Variants in PKNOX1 observed in about 807,000 individuals in gnomAD.
The protein encoded by PKNOX1 is PBX/knotted 1 homeobox 1.
In PKNOX1, 15 loss-of-function variants were observed where a neutral mutation model predicts 51.9. The observed-to-expected ratio is 0.29, with a 90% CI of 0.19 to 0.45. PKNOX1 has a LOEUF of 0.45. PKNOX1 is among the 20% of genes least tolerant of loss of function. The pLI is 1.00. For missense variants in PKNOX1, 462 were observed against 547.5 expected (o/e 0.84, Z 1.56); for synonymous variants, 219 against 211.1 (o/e 1.04, Z -0.32).
chr21:43,022,285 C>T (rs976749340), intron 8 of PKNOX1, among the ~76,000 whole-genome samples: 3 of 152,228 alleles, frequency 2.0e-5, no homozygotes, highest in Admixed American at 1.3e-4. Context: ...AGGGTGCCTC[C>T]GCTGGGGCTG....
In PKNOX1 at chr21:43,033,842, A is replaced by G. The variant is rs970922221; in HGVS notation, c.*3741A>G. The G allele has an allele frequency of 7.2e-5, 11 of 152,194 alleles. No homozygotes were observed. Among genetic ancestry groups the G allele is most frequent in the African/African-American group, 2.4e-4 (10 of 41,446 alleles). The allele number at this position is 152,194 out of a possible 1,614,324, so 9.4% of individuals were successfully genotyped here. On this transcript the variant is annotated 3_prime_UTR_variant, in exon 11 of 11. Transcript: ENST00000291547. Reference sequence around the variant, plus strand: ...ACAGGTAGCTTTTATGTTTTTTATTATAGTTTTCCACAAATCTAATTATTT... The same window carrying G: ...ACAGGTAGCTTTTATGTTTTTTATTGTAGTTTTCCACAAATCTAATTATTT...
intron 2 of PKNOX1, 53 bp downstream of exon 2, chr21:43,004,485 G>A (rs1978902779): frequency 8.5e-7 from 1 of 1,182,052 alleles, no homozygotes; most frequent in Non-Finnish European, 1.3e-6. Context: ...TGGCACTCAA[G>A]CATGAACATT....
chr21:43,020,285 G>A (rs1979695599), intron 7 of PKNOX1, among the ~76,000 whole-genome samples: 1 of 152,158 alleles, frequency 6.6e-6, no homozygotes, highest in African/African-American at 2.4e-5. Flanking sequence ...TCCATGCTGC[G>A]GACCCTACGG....
chr21:43,009,509 G>A (rs537326190), intron 3 of PKNOX1, among the ~76,000 whole-genome samples: 1 of 149,840 alleles, frequency 6.7e-6, no homozygotes, highest in Non-Finnish European at 1.5e-5. Context: ...ACTTGGGGAG[G>A]CTGAGTAGGA....
chr21:43,014,169 CT>C (rs1979381169), intron 5 of PKNOX1, among the ~76,000 whole-genome samples: 1 of 151,910 alleles, frequency 6.6e-6, no homozygotes, highest in Non-Finnish European at 1.5e-5. Context: ...CTACAGGTGC[CT>C]GCCACCACAC....
At chr21:42,987,960 G>C (rs1423766695) in intron 1 of PKNOX1, among the ~76,000 whole-genome samples, 1 of 151,970 alleles carries the variant, frequency 6.6e-6, no homozygotes, top group Non-Finnish European at 1.5e-5. Context: ...ACGTAATACA[G>C]ACAGTATGTG....
At position 43,016,907 on chromosome 21, in the gene PKNOX1, G is replaced by A. The variant is rs1979513598; in HGVS notation, c.523-1G>A. The A allele has an allele frequency of 7.5e-6, 12 of 1,595,126 alleles. No individual in the cohort carries two copies. The highest frequency in any genetic ancestry group is 1.0e-5 in the Non-Finnish European group (12 of 1,165,412). On this transcript the variant is annotated splice_acceptor_variant, in intron 5 of 10. Coordinates refer to ENST00000291547, the MANE Select transcript of PKNOX1 (RefSeq NM_004571.5). LOFTEE classifies it high-confidence loss of function. ...TTCAACATGTGTGTTCTGACTTGCA[G>A]CAGATTCAAAGTGCCATCACAGGCA...
rs1282869894 is a variant in PKNOX1, at chr21:43,021,189, G to A, written c.721-114G>A. The stretch of plus-strand genomic sequence containing the variant: ...CACAGGGTTCCCGTGCATGGGCCTC[G>A]ACTACAATCATTTCCCTGTCCGATC... On this transcript the variant is annotated intron_variant, in intron 7 of 10. Transcript: ENST00000291547. The surrounding 1 kb of genome is among the most constrained non-coding windows in gnomAD (Gnocchi z 4.6). The A allele has an allele frequency of 1.7e-5, 14 of 822,988 alleles. No homozygotes were observed. The highest frequency in any genetic ancestry group is 3.2e-4 in the Middle Eastern group (1 of 3,106). 51.0% of individuals were successfully genotyped at this position (822,988 alleles called of 1,614,324 possible). A position where few individuals can be genotyped will look rare whatever the true frequency, so the allele number is the denominator to read the frequency against.
intron 4 of PKNOX1, 45 bp downstream of exon 4, chr21:43,010,269 TGTTCATG>T: frequency 8.5e-7 from 1 of 1,171,528 alleles, no homozygotes; most frequent in Non-Finnish European, 1.2e-6. Flanking sequence ...ATGTGAAATC[TGTTCATG>T]AAATTTTAGG....
chr21:43,003,666 C>T (rs1290937654), intron 1 of PKNOX1, among the ~76,000 whole-genome samples: 1 of 152,196 alleles, frequency 6.6e-6, no homozygotes, highest in Non-Finnish European at 1.5e-5. Flanking sequence ...TGTGTCTCTC[C>T]CTTGCCTGGT....
chr21:42,991,060 A>G (rs1437856376), intron 1 of PKNOX1, among the ~76,000 whole-genome samples: 1 of 152,190 alleles, frequency 6.6e-6, no homozygotes, highest in African/African-American at 2.4e-5. Context: ...AAATTCTTTC[A>G]GCTTCAAATA....
At chr21:43,019,533 A>G (rs902321162) in intron 7 of PKNOX1, among the ~76,000 whole-genome samples, 2 of 152,028 alleles carry the variant, frequency 1.3e-5, no homozygotes, top group African/African-American at 4.8e-5. Flanking sequence ...TCTACCCAAC[A>G]TTGAGAAAGC....
At chr21:42,974,877 G>C (rs1166697104) in intron 1 of PKNOX1, among the ~76,000 whole-genome samples, 1 of 147,990 alleles carries the variant, frequency 6.8e-6, no homozygotes, top group East Asian at 2.0e-4. Flanking sequence ...GGGCACCCGC[G>C]GGGGAGGGGG....
intron 1 of PKNOX1, among the ~76,000 whole-genome samples, chr21:42,989,599 A>T (rs1206091810): frequency 6.6e-6 from 1 of 151,852 alleles, no homozygotes; most frequent in Non-Finnish European, 1.5e-5. Context: ...TTGCATTTTT[A>T]GTAGAGATGG....
intron 10 of PKNOX1, 70 bp from the exon 11 acceptor site, chr21:43,029,820 C>A: frequency 7.7e-7 from 1 of 1,298,720 alleles, no homozygotes; most frequent in Non-Finnish European, 1.1e-6. Flanking sequence ...CAAACAGCAC[C>A]CAATTGAGTA....
chr21:43,032,633 A>G lies in PKNOX1; in HGVS notation c.*2532A>G. On this transcript the variant is annotated 3_prime_UTR_variant, in exon 11 of 11. Transcript: ENST00000291547. The stretch of plus-strand genomic sequence containing the variant: ...CACAGTGAGACCCCCATCTATAAAA[A>G]GAGAGCACTGCCTGAACCTCGGTGG... The G allele has an allele frequency of 6.3e-6, 1 of 158,668 alleles. No individual in the cohort carries two copies. The highest frequency in any genetic ancestry group is 1.8e-4 in the South Asian group (1 of 5,496). 9.8% of individuals were successfully genotyped at this position (158,668 alleles called of 1,614,324 possible).
intron 1 of PKNOX1, among the ~76,000 whole-genome samples, chr21:42,983,381 A>G (rs753380218): frequency 6.6e-6 from 1 of 152,152 alleles, no homozygotes; most frequent in Non-Finnish European, 1.5e-5. Context: ...TACCAGTGGA[A>G]TTAGGTAGTA....
chr21:43,021,558 T>G lies in PKNOX1; in HGVS notation c.849+127T>G. 8.7e-7 allele frequency: 1 copy of G among 1,151,114 alleles called. No individual in the cohort carries two copies. The allele number at this position is 1,151,114 out of a possible 1,614,324, so 71.3% of individuals were successfully genotyped here. A position where few individuals can be genotyped will look rare whatever the true frequency, so the allele number is the denominator to read the frequency against. ...CAAAGGCCTGACTTTCAGGACTTTGTGGCATGTCCATAATGTGGGGAGCGT... is the reference window on the plus strand; with the variant it reads ...CAAAGGCCTGACTTTCAGGACTTTGGGGCATGTCCATAATGTGGGGAGCGT... On this transcript the variant is annotated intron_variant, in intron 8 of 10. Transcript: ENST00000291547. The surrounding 1 kb of genome is among the most constrained non-coding windows in gnomAD (Gnocchi z 4.6).
At chr21:43,029,750 C>T (rs1980164570) in intron 10 of PKNOX1, 140 bp from the exon 11 acceptor site, 3 of 752,078 alleles carry the variant, frequency 4.0e-6, no homozygotes, top group Non-Finnish European at 6.7e-6. Context: ...TTTCTTAAAT[C>T]CCTGTTGAAC....
Sources: allele counts gnomAD v4.1 joint callset (sites outside exome capture counted in the v4.1 genomes callset), GRCh38; gene constraint gnomAD v4.1.1; non-coding constraint Gnocchi (gnomAD v3.1); transcripts MANE v1.5; gene names NCBI Gene and HGNC (gene_info 2026-07-23, HGNC 2026-07-21).